Variants in CCDC149 observed in about 807,000 individuals in gnomAD.
CCDC149 encodes the protein coiled-coil domain-containing protein 149.
Under a neutral mutation model 59.9 loss-of-function variants are expected in CCDC149, and 45 were observed. That is an observed-to-expected ratio of 0.75 (90% CI 0.59 to 0.96). CCDC149 has a LOEUF of 0.96. Among genes scored for constraint, CCDC149 ranks in the 40% least tolerant of loss-of-function variants. The probability of loss-of-function intolerance (pLI) is 0.00; values close to 1 mark genes in which losing one functional copy is unlikely to be tolerated. For synonymous variants in CCDC149, 245 were observed against 260.6 expected (o/e 0.94, Z 0.58); for missense variants, 584 against 664.7 (o/e 0.88, Z 1.33).
At chr4:24,872,862 C>T (rs1247541643) in intron 3 of CCDC149, among the ~76,000 whole-genome samples, 1 of 151,472 alleles carries the variant, frequency 6.6e-6, no homozygotes, top group Admixed American at 6.6e-5. Context: ...GAATGATAGG[C>T]ACCTACCAAG....
At chr4:24,963,310 A>G (rs1723699148) in intron 1 of CCDC149, among the ~76,000 whole-genome samples, 1 of 152,086 alleles carries the variant, frequency 6.6e-6, no homozygotes, top group African/African-American at 2.4e-5. Context: ...CACCTGGCCA[A>G]AGTAGGTCGT....
At chr4:24,859,653 A>G (rs1157760005) in intron 3 of CCDC149, among the ~76,000 whole-genome samples, 1 of 152,214 alleles carries the variant, frequency 6.6e-6, no homozygotes, top group Non-Finnish European at 1.5e-5. Context: ...GAGGAAGTCA[A>G]ACTGTTGCTG....
intron 1 of CCDC149, among the ~76,000 whole-genome samples, chr4:24,885,952 C>T (rs1720151618): frequency 6.6e-6 from 1 of 152,158 alleles, no homozygotes; most frequent in African/African-American, 2.4e-5. Flanking sequence ...GTGAGCATTA[C>T]TATTTTCCAA....
rs570613282 is a variant in CCDC149 at position 24,943,993 on chromosome 4, G to A, written c.-65+36076C>T. Among the ~76,000 whole-genome samples, 564 of 152,304 alleles carry A rather than the reference G, an allele frequency of 3.7e-3. 7 individuals are homozygous for A. Among genetic ancestry groups the A allele is most frequent in the African/African-American group, 0.012 (516 of 41,574 alleles). ...CAACCATTGTGGAAGTCAGTGTGGC[G>A]ATTCCTCAGGGATCTAGAACTACAA... On this transcript the variant is annotated intron_variant, in intron 1 of 12. Coordinates refer to the CCDC149 transcript ENST00000389609.
At position 24,876,523 on chromosome 4, in the gene CCDC149, G is replaced by A. The variant is rs745379389; in HGVS notation, c.225+13C>T. 6.2e-7 allele frequency: 1 copy of A among 1,610,660 alleles called. No homozygotes were observed. The highest frequency in any genetic ancestry group is 8.5e-7 in the Non-Finnish European group (1 of 1,177,688). On this transcript the variant is annotated intron_variant, in intron 2 of 12. Coordinates refer to ENST00000635206, the MANE Select transcript of CCDC149 (RefSeq NM_001330643.2). ...AACAGGAAAGTCGCTGAACAGGGCA[G>A]CCTAACACTTACAATCAGCTCTCGG...
chr4:24,862,633 C>A lies in CCDC149; in HGVS notation c.265-9454G>T, dbSNP rs527617238. 2.3e-3 allele frequency among the ~76,000 whole-genome samples: 348 copies of A among 152,284 alleles called. 2 individuals are homozygous for A. The highest frequency in any genetic ancestry group is 0.015 in the South Asian group (74 of 4,830). ...CTGATTCATTGTGAAACCTCTTGGG[C>A]CCTGTTGGAGTTAACATAACTAGGC... On this transcript the variant is annotated intron_variant, in intron 3 of 12. Transcript: ENST00000635206.
At chr4:24,845,971 G>A (rs2109164582) in intron 4 of CCDC149, among the ~76,000 whole-genome samples, 2 of 152,344 alleles carry the variant, frequency 1.3e-5, no homozygotes, top group East Asian at 3.9e-4. Flanking sequence ...TATGGTGTAT[G>A]ATAAAATAAG....
downstream of CCDC149, among the ~76,000 whole-genome samples, chr4:24,805,074 A>T (rs1714084374): frequency 6.6e-6 from 1 of 152,196 alleles, no homozygotes; most frequent in South Asian, 2.1e-4. Flanking sequence ...TACAAAAACC[A>T]ATCCACTTCT....
At chr4:24,849,822 C>G (rs1206117040) in intron 4 of CCDC149, among the ~76,000 whole-genome samples, 1 of 152,194 alleles carries the variant, frequency 6.6e-6, no homozygotes, top group Non-Finnish European at 1.5e-5. Flanking sequence ...CATAAAATGA[C>G]GCCATCAGCC....
intron 1 of CCDC149, among the ~76,000 whole-genome samples, chr4:24,902,119 C>T (rs959647464): frequency 5.9e-5 from 9 of 152,162 alleles, no homozygotes; most frequent in African/African-American, 1.7e-4. Context: ...GAAAACTACA[C>T]GATAAGTGGT....
intron 1 of CCDC149, among the ~76,000 whole-genome samples, chr4:24,896,621 A>C (rs952498519): frequency 6.6e-6 from 1 of 152,126 alleles, no homozygotes; most frequent in Non-Finnish European, 1.5e-5. Flanking sequence ...GGCTTTTTTC[A>C]AGCAATATAT....
At chr4:24,929,175 A>G (rs1281330414) in intron 1 of CCDC149, among the ~76,000 whole-genome samples, 1 of 152,008 alleles carries the variant, frequency 6.6e-6, no homozygotes, top group African/African-American at 2.4e-5. Context: ...CTGGTTTATG[A>G]CTTCTGTGTT....
At chr4:24,905,410 C>CGTGT (rs1304853540) in intron 1 of CCDC149, among the ~76,000 whole-genome samples, 1,727 of 93,718 alleles carry the variant, frequency 0.018, 23 homozygotes, top group Admixed American at 0.04. Context: ...TTTTTGCGTG[C>CGTGT]GTGCGTGTGT....
At chr4:24,848,957 A>G (rs1717489214) in intron 4 of CCDC149, among the ~76,000 whole-genome samples, 1 of 152,158 alleles carries the variant, frequency 6.6e-6, no homozygotes. Flanking sequence ...CCCAGGTTTC[A>G]GGCATCCACT....
At position 24,905,406 on chromosome 4, in the gene CCDC149, CGTGCGTGCGTGTGTGT is replaced by C. The variant is rs1248777735; in HGVS notation, c.63+7395_63+7410del. The stretch of plus-strand genomic sequence containing the variant: ...TCCTATATAGTCTTCTTTCTTTTTG[CGTGCGTGCGTGTGTGT>C]GTGTGTGTGTGTGTGTGTGTGTGTG... On this transcript the variant is annotated intron_variant, in intron 1 of 12. Transcript: ENST00000635206. Among the ~76,000 whole-genome samples the C allele has an allele frequency of 7.0e-4, 77 of 110,400 alleles. No homozygotes were observed. In the South Asian group the frequency reaches 8.3e-3, roughly 12 times the overall value. 72.4% of individuals were successfully genotyped at this position (110,400 alleles called of 152,430 possible).
At chr4:24,870,381 T>G (rs926537478) in intron 3 of CCDC149, among the ~76,000 whole-genome samples, 1 of 152,190 alleles carries the variant, frequency 6.6e-6, no homozygotes, top group African/African-American at 2.4e-5. Context: ...CTTCTCGCTA[T>G]GTAAGGTAAT....
chr4:24,859,181 G>A (rs534466314), intron 3 of CCDC149, among the ~76,000 whole-genome samples: 1 of 152,166 alleles, frequency 6.6e-6, no homozygotes, highest in Admixed American at 6.5e-5. Context: ...TCTGTTTTTT[G>A]GTTTCAGTAC....
chr4:24,927,163 G>A (rs925313841), intron 1 of CCDC149, among the ~76,000 whole-genome samples: 1 of 152,188 alleles, frequency 6.6e-6, no homozygotes, highest in Non-Finnish European at 1.5e-5. Context: ...TGAGATGTGA[G>A]GTTCTTGCAG....
At chr4:24,940,158 A>G (rs1242018029) in intron 1 of CCDC149, among the ~76,000 whole-genome samples, 1 of 152,228 alleles carries the variant, frequency 6.6e-6, no homozygotes, top group African/African-American at 2.4e-5. Flanking sequence ...AGGTTGGGTT[A>G]CCCACAAAAG....
Sources: gnomAD v4.1 joint callset for allele counts (sites outside exome capture counted in the v4.1 genomes callset) on GRCh38, gnomAD v4.1.1 for gene constraint, MANE v1.5 for transcripts, NCBI Gene and HGNC (gene_info 2026-07-23, HGNC 2026-07-21) for gene names.